Variants in ADAMTS19 observed in about 807,000 individuals in gnomAD.
The protein encoded by ADAMTS19 is ADAM metallopeptidase with thrombospondin type 1 motif 19, also known as A disintegrin and metalloproteinase with thrombospondin motifs 19.
ADAMTS19 carries 93 observed loss-of-function variants against 153.3 expected under a neutral mutation model. That is an observed-to-expected ratio of 0.61 (90% confidence interval 0.51 to 0.72). The LOEUF (loss-of-function observed/expected upper bound fraction) is 0.72, where lower values mean the gene tolerates loss of function less well. Ranked by LOEUF, ADAMTS19 falls within the 30% of genes least tolerant of loss-of-function variation. The probability of loss-of-function intolerance (pLI) is 0.00; values close to 1 mark genes in which losing one functional copy is unlikely to be tolerated. For missense variants in ADAMTS19, 1,482 were observed against 1,552.1 expected, an observed-to-expected ratio of 0.95 and a Z score of 0.76; for synonymous variants, 600 against 556.6, an observed-to-expected ratio of 1.08 and a Z score of -1.10.
At chr5:129,512,728 T>C (rs1157031172) in intron 3 of ADAMTS19, among the ~76,000 whole-genome samples, 1 of 152,028 alleles carries the variant, frequency 6.6e-6, no homozygotes, top group Non-Finnish European at 1.5e-5. Flanking sequence ...AACTCTCTCT[T>C]ACCTGATCTA....
At chr5:129,530,870 CTT>C (rs1367657380) in intron 6 of ADAMTS19, among the ~76,000 whole-genome samples, 5 of 151,296 alleles carry the variant, frequency 3.3e-5, no homozygotes, top group Non-Finnish European at 5.9e-5. Context: ...AAAAATGTCT[CTT>C]ATTCACAGAT....
intron 8 of ADAMTS19, among the ~76,000 whole-genome samples, chr5:129,616,338 T>C (rs1409467838): frequency 6.6e-6 from 1 of 151,990 alleles, no homozygotes; most frequent in Non-Finnish European, 1.5e-5. Context: ...TTTATTAATG[T>C]TTCCACATAA....
intron 8 of ADAMTS19, among the ~76,000 whole-genome samples, chr5:129,602,274 T>C (rs1236748665): frequency 6.6e-6 from 1 of 152,094 alleles, no homozygotes; most frequent in Non-Finnish European, 1.5e-5. Flanking sequence ...GTATTTTTAG[T>C]AAAGATAGGT....
At chr5:129,707,727 C>T (rs995468339) in intron 21 of ADAMTS19, among the ~76,000 whole-genome samples, 1 of 152,176 alleles carries the variant, frequency 6.6e-6, no homozygotes, top group Admixed American at 6.5e-5. Context: ...TTTCTGTGCT[C>T]CTCTGAGGTC....
At chr5:129,533,071 C>CTCCAGTGCAGTGACTGCCCAGGATTA in intron 6 of ADAMTS19, among the ~76,000 whole-genome samples, 1 of 151,934 alleles carries the variant, frequency 6.6e-6, no homozygotes, top group Non-Finnish European at 1.5e-5. Flanking sequence ...CCACTGCAAT[C>CTCCAGTGCAGTGACTGCCCAGGATTA]CAGCCTGGGC....
At chr5:129,632,266 T>C (rs1306671490) in intron 10 of ADAMTS19, among the ~76,000 whole-genome samples, 1 of 152,098 alleles carries the variant, frequency 6.6e-6, no homozygotes, top group Non-Finnish European at 1.5e-5. Context: ...TATAGTACTA[T>C]TTCATTTGGA....
In ADAMTS19 at chr5:129,591,745, C is replaced by T. The variant is rs149471488; in HGVS notation, c.1373-4814C>T. On this transcript the variant is annotated intron_variant, in intron 7 of 22. Transcript: ENST00000274487. The stretch of plus-strand genomic sequence containing the variant: ...TAGGACCAGTAATTAACTGGAACTT[C>T]GCCAGGAGTTTGTACCAAGAGTGCC... 4.3e-3 allele frequency among the ~76,000 whole-genome samples: 662 copies of T among 152,248 alleles called. 3 individuals are homozygous for T. The highest frequency in any genetic ancestry group is 6.6e-3 in the Non-Finnish European group (452 of 68,026).
intron 6 of ADAMTS19, among the ~76,000 whole-genome samples, chr5:129,537,408 C>T (rs984540905): frequency 2.0e-5 from 3 of 152,162 alleles, no homozygotes; most frequent in Non-Finnish European, 4.4e-5. Context: ...CCATTTGACC[C>T]AGCCATCCCA....
intron 21 of ADAMTS19, among the ~76,000 whole-genome samples, chr5:129,704,672 A>G (rs1561659943): frequency 6.6e-6 from 1 of 152,232 alleles, no homozygotes; most frequent in South Asian, 2.1e-4. Context: ...AATTATTCAT[A>G]TAGTTCTCAG....
chr5:129,668,925 A>T (rs573974433), intron 16 of ADAMTS19, among the ~76,000 whole-genome samples: 2 of 152,248 alleles, frequency 1.3e-5, no homozygotes, highest in South Asian at 4.1e-4. Flanking sequence ...AGTGACCCTG[A>T]ATAGTCAAAC....
chr5:129,704,902 A>G (rs184967743), intron 21 of ADAMTS19, among the ~76,000 whole-genome samples: 15 of 152,320 alleles, frequency 9.8e-5, no homozygotes, highest in African/African-American at 3.1e-4. Flanking sequence ...AACACAATTT[A>G]TATGGAAAAT....
chr5:129,541,137 G>C (rs1247159774), intron 6 of ADAMTS19, among the ~76,000 whole-genome samples: 1 of 151,764 alleles, frequency 6.6e-6, no homozygotes, highest in African/African-American at 2.4e-5. Context: ...ATTTTAGTGA[G>C]AGGTACTTCT....
At chr5:129,602,721 C>A (rs977640271) in intron 8 of ADAMTS19, among the ~76,000 whole-genome samples, 1 of 151,636 alleles carries the variant, frequency 6.6e-6, no homozygotes, top group Admixed American at 6.6e-5. Flanking sequence ...TTTTAATTGT[C>A]AAATTTCATA....
chr5:129,577,493 A>T (rs1234017621), intron 7 of ADAMTS19, among the ~76,000 whole-genome samples: 3 of 152,128 alleles, frequency 2.0e-5, no homozygotes, highest in East Asian at 3.9e-4. Flanking sequence ...GGAAATTTAT[A>T]ATTTTAAACA....
chr5:129,703,249 G>A (rs1343013784), intron 20 of ADAMTS19, among the ~76,000 whole-genome samples: 1 of 151,136 alleles, frequency 6.6e-6, no homozygotes, highest in Admixed American at 6.6e-5. Context: ...TGATGTGGAG[G>A]ATAAATGTAA....
At chr5:129,494,213 C>G (rs1750857580) in intron 2 of ADAMTS19, among the ~76,000 whole-genome samples, 1 of 151,936 alleles carries the variant, frequency 6.6e-6, no homozygotes, top group Admixed American at 6.6e-5. Flanking sequence ...TTTCAAAATA[C>G]TTAATTATGA....
intron 3 of ADAMTS19, among the ~76,000 whole-genome samples, chr5:129,524,500 A>G (rs1402771216): frequency 6.6e-6 from 1 of 152,142 alleles, no homozygotes; most frequent in African/African-American, 2.4e-5. Context: ...AAAAGAAACT[A>G]TCATCAAAGT....
intron 15 of ADAMTS19, among the ~76,000 whole-genome samples, chr5:129,659,459 T>C (rs1254118587): frequency 6.6e-6 from 1 of 152,226 alleles, no homozygotes; most frequent in Non-Finnish European, 1.5e-5. Context: ...TTAAGCTTAC[T>C]GGAAAGAAGC....
At chr5:129,629,606 A>G (rs1006778996) in intron 10 of ADAMTS19, among the ~76,000 whole-genome samples, 2 of 152,132 alleles carry the variant, frequency 1.3e-5, no homozygotes. Flanking sequence ...CCCTTAGGAT[A>G]ACAACTTACA....
Sources: allele counts gnomAD v4.1 joint callset (sites outside exome capture counted in the v4.1 genomes callset), GRCh38; gene constraint gnomAD v4.1.1; transcripts MANE v1.5; gene names NCBI Gene and HGNC (gene_info 2026-07-23, HGNC 2026-07-21).